SDK1: variants seen among roughly 807,000 people sequenced by gnomAD.
SDK1 encodes protein sidekick-1.
SDK1 carries 157 observed loss-of-function variants against 245.5 expected under a neutral mutation model. The observed-to-expected ratio is 0.64, with a 90% CI of 0.56 to 0.73. The LOEUF is 0.73. Among genes scored for constraint, SDK1 ranks in the 30% least tolerant of loss-of-function variants. The probability of loss-of-function intolerance (pLI) is 0.00; values close to 1 mark genes in which losing one functional copy is unlikely to be tolerated. For synonymous variants in SDK1, 1,647 were observed against 1,278.5 expected, an observed-to-expected ratio of 1.29 and a Z score of -6.15; for missense variants, 3,583 against 3,002.3, an observed-to-expected ratio of 1.19 and a Z score of -4.52.
chr7:3,459,970 G>A (rs1780784357), intron 1 of SDK1, among the ~76,000 whole-genome samples: 1 of 152,198 alleles, frequency 6.6e-6, no homozygotes, highest in South Asian at 2.1e-4. Flanking sequence ...AGCAAAGAAA[G>A]TGATTTTTAT....
chr7:3,583,671 A>G (rs1780589217), intron 1 of SDK1, among the ~76,000 whole-genome samples: 1 of 152,096 alleles, frequency 6.6e-6, no homozygotes, highest in African/African-American at 2.4e-5. Context: ...GAGGGAAATA[A>G]AACAAGTAGT....
chr7:3,696,882 C>T (rs1313766018), intron 4 of SDK1, among the ~76,000 whole-genome samples: 2 of 151,406 alleles, frequency 1.3e-5, no homozygotes, highest in African/African-American at 2.4e-5. Flanking sequence ...AGATAGGAGA[C>T]CTCTGATATT....
At chr7:3,418,145 G>GCAAAAAAAAGAAAAAA (rs1292199670) in intron 1 of SDK1, among the ~76,000 whole-genome samples, 1 of 119,726 alleles carries the variant, frequency 8.4e-6, no homozygotes, top group Non-Finnish European at 1.6e-5. Flanking sequence ...TACTAAAAAT[G>GCAAAAAAAAGAAAAAA]AAAAAAAAAA....
intron 4 of SDK1, among the ~76,000 whole-genome samples, chr7:3,763,031 G>A (rs908502423): frequency 2.0e-5 from 3 of 152,104 alleles, no homozygotes; most frequent in African/African-American, 7.2e-5. Context: ...GTAATTTTCT[G>A]GGATCCTTTT....
At chr7:3,658,745 G>A (rs1056503805) in intron 4 of SDK1, among the ~76,000 whole-genome samples, 2 of 151,562 alleles carry the variant, frequency 1.3e-5, no homozygotes, top group Non-Finnish European at 2.9e-5. Flanking sequence ...CTCCTGAGTA[G>A]CTGCGACTAC....
intron 35 of SDK1, among the ~76,000 whole-genome samples, chr7:4,204,863 C>T (rs558042987): frequency 1.4e-4 from 18 of 128,914 alleles, no homozygotes; most frequent in African/African-American, 4.2e-4. Flanking sequence ...AAGTGCGCAG[C>T]GTGGAATTCA....
intron 1 of SDK1, among the ~76,000 whole-genome samples, chr7:3,543,856 G>C (rs1378905031): frequency 6.6e-6 from 1 of 152,164 alleles, no homozygotes; most frequent in African/African-American, 2.4e-5. Context: ...GACTTCAGAA[G>C]ACCCATTTAT....
At chr7:3,626,032 C>T (rs1324306982) in intron 2 of SDK1, among the ~76,000 whole-genome samples, 1 of 147,676 alleles carries the variant, frequency 6.8e-6, no homozygotes, top group Non-Finnish European at 1.5e-5. Flanking sequence ...CAGCCTGGAA[C>T]TCCTAGACTG....
chr7:3,886,448 G>C (rs1302642298), intron 5 of SDK1, among the ~76,000 whole-genome samples: 1 of 152,238 alleles, frequency 6.6e-6, no homozygotes, highest in African/African-American at 2.4e-5. Flanking sequence ...CTGAGTCTTA[G>C]AGGACTAAGT....
intron 4 of SDK1, among the ~76,000 whole-genome samples, chr7:3,678,662 A>G (rs1371596138): frequency 6.6e-6 from 1 of 152,228 alleles, no homozygotes; most frequent in Non-Finnish European, 1.5e-5. Context: ...TCACAGGTAC[A>G]GAGTTTCTGT....
At chr7:3,396,380 T>G (rs1781897126) in intron 1 of SDK1, among the ~76,000 whole-genome samples, 1 of 151,838 alleles carries the variant, frequency 6.6e-6, no homozygotes, top group Admixed American at 6.6e-5. Flanking sequence ...GTGTGGAGTG[T>G]GCTTTAGATG....
At chr7:3,871,709 A>G (rs1028601597) in intron 5 of SDK1, among the ~76,000 whole-genome samples, 5 of 152,160 alleles carry the variant, frequency 3.3e-5, no homozygotes, top group Non-Finnish European at 7.3e-5. Context: ...CCTCCCAGGA[A>G]CTAAGTATAG....
intron 32 of SDK1, among the ~76,000 whole-genome samples, chr7:4,171,295 T>C (rs79535821): frequency 0.032 from 4,906 of 152,284 alleles, 149 homozygotes; most frequent in African/African-American, 0.081. Context: ...CTGCTTTGTT[T>C]CTCTAGCTCT....
intron 1 of SDK1, among the ~76,000 whole-genome samples, chr7:3,581,228 C>G (rs1187979595): frequency 6.6e-6 from 1 of 151,940 alleles, no homozygotes; most frequent in African/African-American, 2.4e-5. Context: ...AAAGGTATAT[C>G]CAGTGTCTAT....
At chr7:3,525,383 C>G (rs1783091779) in intron 1 of SDK1, among the ~76,000 whole-genome samples, 2 of 152,074 alleles carry the variant, frequency 1.3e-5, no homozygotes, top group South Asian at 4.2e-4. Flanking sequence ...GAAAATCCTC[C>G]TTGCTCCTGG....
chr7:3,408,730 T>C (rs946151847), intron 1 of SDK1, among the ~76,000 whole-genome samples: 3 of 152,230 alleles, frequency 2.0e-5, no homozygotes, highest in African/African-American at 7.2e-5. Flanking sequence ...AATTGCTCTA[T>C]TTATGAACTG....
intron 4 of SDK1, among the ~76,000 whole-genome samples, chr7:3,686,940 G>T (rs1320480075): frequency 6.6e-6 from 1 of 152,064 alleles, no homozygotes; most frequent in Non-Finnish European, 1.5e-5. Flanking sequence ...CCTGGAGTGT[G>T]AGTGCCCAGT....
chr7:3,961,962 CACAT>C (rs1271071127), intron 8 of SDK1, among the ~76,000 whole-genome samples: 12 of 151,886 alleles, frequency 7.9e-5, no homozygotes, highest in African/African-American at 1.5e-4. Flanking sequence ...TACGCATACA[CACAT>C]AAACACATGC....
chr7:3,346,453 C>T (rs1400269819), intron 1 of SDK1, among the ~76,000 whole-genome samples: 1 of 152,090 alleles, frequency 6.6e-6, no homozygotes, highest in Non-Finnish European at 1.5e-5. Flanking sequence ...ACTTCAGATT[C>T]CACAAGTGTG....
Sources: gnomAD v4.1 joint callset for allele counts (sites outside exome capture counted in the v4.1 genomes callset) on GRCh38, gnomAD v4.1.1 for gene constraint, MANE v1.5 for transcripts, NCBI Gene and HGNC (gene_info 2026-07-23, HGNC 2026-07-21) for gene names.